The following PTCH1 variants were observed in gnomAD, a reference collection of about 807,000 sequenced individuals.
The protein encoded by PTCH1 is protein patched homolog 1.
A neutral mutation model predicts 144.6 loss-of-function variants in PTCH1; 14 were observed. The ratio of observed to expected loss-of-function variants is 0.10; its 90% CI spans 0.06 to 0.15. PTCH1 has a LOEUF of 0.15. Ranked by LOEUF, PTCH1 falls within the 10% of genes least tolerant of loss-of-function variation. The pLI is 1.00. For missense variants in PTCH1, 1,623 were observed against 1,948.3 expected (o/e 0.83, Z 3.14); for synonymous variants, 833 against 793.6 (o/e 1.05, Z -0.83).
chr9:95,492,553 T>C (rs1842485518), intron 2 of PTCH1, among the ~76,000 whole-genome samples: 1 of 151,968 alleles, frequency 6.6e-6, no homozygotes, highest in African/African-American at 2.4e-5. Flanking sequence ...ATGCATAAAG[T>C]AGTTGAAACA....
At chr9:95,477,940 C>T in intron 9 of PTCH1, 115 bp downstream of exon 9, 1 of 1,566,052 alleles carries the variant, frequency 6.4e-7, no homozygotes. Context: ...CTCTCTCTGT[C>T]CTGGATGCAC....
At chr9:95,456,456 C>T (rs1200246453) in intron 18 of PTCH1, 43 bp from the exon 19 acceptor site, 2 of 1,607,800 alleles carry the variant, frequency 1.2e-6, no homozygotes, top group Non-Finnish European at 1.7e-6. Flanking sequence ...GCAGGTCACC[C>T]TCTGGGGCTG....
At chr9:95,468,053 C>T (rs1362572286) in intron 14 of PTCH1, among the ~76,000 whole-genome samples, 1 of 152,140 alleles carries the variant, frequency 6.6e-6, no homozygotes, top group Non-Finnish European at 1.5e-5. Context: ...ACTACAGGTA[C>T]ACAGCACCAT....
chr9:95,460,707 G>A (rs113947923), intron 16 of PTCH1, among the ~76,000 whole-genome samples: 6 of 152,118 alleles, frequency 3.9e-5, no homozygotes, highest in African/African-American at 1.4e-4. Context: ...ATCAAACAGC[G>A]CAGCCCGTGG....
intron 19 of PTCH1, 72 bp downstream of exon 19, chr9:95,456,204 C>A (rs151321835): frequency 1.3e-6 from 2 of 1,599,780 alleles, no homozygotes; most frequent in Non-Finnish European, 8.5e-7. Context: ...AAGGTTCCCA[C>A]TTGGAGACAA....
chr9:95,512,448 A>T (rs561367072), upstream of PTCH1, among the ~76,000 whole-genome samples: 1 of 143,764 alleles, frequency 7.0e-6, no homozygotes, highest in African/African-American at 2.6e-5. Context: ...TTGAGGATCT[A>T]ATTGGCCTTG....
At chr9:95,462,485 G>A (rs1331791227) in intron 15 of PTCH1, among the ~76,000 whole-genome samples, 8 of 152,178 alleles carry the variant, frequency 5.3e-5, no homozygotes, top group Admixed American at 3.9e-4. Flanking sequence ...GAGCGAACAC[G>A]ATTCTGTCAA....
At chr9:95,467,033 G>A (rs1840062131) in intron 15 of PTCH1, 83 bp downstream of exon 15, 8 of 1,426,646 alleles carry the variant, frequency 5.6e-6, no homozygotes, top group African/African-American at 2.9e-5. Context: ...CTAATCTAAC[G>A]CTCTCATAAT....
chr9:95,447,548 C>CA, intron 22 of PTCH1, 97 bp from the exon 23 acceptor site: 1 of 1,351,898 alleles, frequency 7.4e-7, no homozygotes, highest in South Asian at 1.4e-5. Flanking sequence ...ACCAAAGACT[C>CA]AGTCAACCCT....
Position 95,444,739 on chromosome 9 carries a change from TCTGA to T in PTCH1, c.*1650_*1653del, listed in dbSNP as rs1358439576. ...GCCCTGCAGGGACCCCGCCCTTTCC[TCTGA>T]CTTCTTGTCTGTAACAAGGTGCTGG... On this transcript the variant is annotated 3_prime_UTR_variant, in exon 24 of 24. Transcript: ENST00000331920. 2 of 152,244 alleles carry T rather than the reference TCTGA, an allele frequency of 1.3e-5. No homozygotes were observed. The highest frequency in any genetic ancestry group is 4.8e-5 in the African/African-American group (2 of 41,418). 9.4% of individuals were successfully genotyped at this position (152,244 alleles called of 1,614,324 possible).
intron 2 of PTCH1, among the ~76,000 whole-genome samples, chr9:95,505,889 C>A (rs1305332857): frequency 6.7e-6 from 1 of 148,948 alleles, no homozygotes; most frequent in East Asian, 1.9e-4. Flanking sequence ...GCGCCCGCCC[C>A]CGGCCCTCCC....
intron 15 of PTCH1, 114 bp from the exon 16 acceptor site, chr9:95,462,112 G>A (rs1412100390): frequency 8.3e-6 from 10 of 1,201,608 alleles, no homozygotes; most frequent in Non-Finnish European, 1.1e-5. Context: ...ACGTCCATCA[G>A]AAACACACCC....
Position 95,462,005 on chromosome 9 carries a change from A to G in PTCH1, c.2561-7T>C, listed in dbSNP as rs112140654. The stretch of plus-strand genomic sequence containing the variant: ...TCAAATGCATCCTGAAGTCCTAGAA[A>G]TGGCAAATGATTGTAACACATTATA... On this transcript the variant is annotated splice_region_variant and splice_polypyrimidine_tract_variant and intron_variant, in intron 15 of 23. Coordinates refer to ENST00000331920, the MANE Select transcript of PTCH1 (RefSeq NM_000264.5). 3.3e-5 allele frequency: 53 copies of G among 1,614,226 alleles called. No homozygotes were observed. In the African/African-American group the frequency reaches 5.1e-4, roughly 15 times the overall value.
In PTCH1 at chr9:95,443,773, TA is replaced by T. The variant is rs1837657136; in HGVS notation, c.*2619del. 1 of 152,624 alleles carries T rather than the reference TA, an allele frequency of 6.6e-6. No homozygotes were observed. Among genetic ancestry groups the T allele is most frequent in the Admixed American group, 6.5e-5 (1 of 15,282 alleles). 9.5% of individuals were successfully genotyped at this position (152,624 alleles called of 1,614,324 possible). ...CTACAAAAATAAATCTTCATATAAA[TA>T]AATTATATGGCATACTTTTATCTTT... is the stretch of plus-strand genomic sequence containing the variant. On this transcript the variant is annotated 3_prime_UTR_variant, in exon 24 of 24. Coordinates refer to ENST00000331920, the MANE Select transcript of PTCH1 (RefSeq NM_000264.5).
chr9:95,453,804 C>T (rs1000512103), intron 19 of PTCH1, among the ~76,000 whole-genome samples, 184 bp from the exon 20 acceptor site: 6 of 152,224 alleles, frequency 3.9e-5, no homozygotes, highest in Admixed American at 6.5e-5. Context: ...CTCTTCATGA[C>T]ACTGGGTCAT....
At chr9:95,454,228 A>T (rs762027757) in intron 19 of PTCH1, among the ~76,000 whole-genome samples, 1 of 152,216 alleles carries the variant, frequency 6.6e-6, no homozygotes, top group Non-Finnish European at 1.5e-5. Context: ...CCTAGGCCAG[A>T]AATGCTGTTG....
intron 1 of PTCH1, chr9:95,507,909 C>A: frequency 7.4e-7 from 1 of 1,357,966 alleles, no homozygotes. Flanking sequence ...TGTGTATACA[C>A]ACACACACAC....
chr9:95,473,217 C>T (rs1396173701), intron 12 of PTCH1, among the ~76,000 whole-genome samples: 5 of 152,170 alleles, frequency 3.3e-5, no homozygotes, highest in Non-Finnish European at 5.9e-5. Context: ...AGACAGTTTC[C>T]TTGTGGAAAA....
chr9:95,500,232 CAACTT>C (rs1367195241), intron 2 of PTCH1, among the ~76,000 whole-genome samples: 1 of 152,118 alleles, frequency 6.6e-6, no homozygotes, highest in Non-Finnish European at 1.5e-5. Context: ...CCTGTCCTCT[CAACTT>C]GGTGAAGGGT....
Sources: allele counts gnomAD v4.1 joint callset (sites outside exome capture counted in the v4.1 genomes callset), GRCh38; gene constraint gnomAD v4.1.1; transcripts MANE v1.5; gene names NCBI Gene and HGNC (gene_info 2026-07-23, HGNC 2026-07-21).